GSE1: variants seen among roughly 807,000 people sequenced by gnomAD.
GSE1 encodes the protein Gse1 coiled-coil protein.
GSE1 carries 32 observed loss-of-function variants against 112.6 expected under a neutral mutation model. That is an observed-to-expected ratio of 0.28 (90% CI 0.21 to 0.38). The LOEUF is 0.38. Ranked by LOEUF, GSE1 falls within the 10% of genes least tolerant of loss-of-function variation. The pLI is 1.00. For missense variants in GSE1, 2,348 were observed against 1,699.2 expected (o/e 1.38, Z -6.71); for synonymous variants, 1,115 against 735.6 (o/e 1.52, Z -8.35).
intron 1 of GSE1, among the ~76,000 whole-genome samples, chr16:85,270,020 G>T (rs1567652234): frequency 6.7e-6 from 1 of 149,300 alleles, no homozygotes; most frequent in Non-Finnish European, 1.5e-5. Flanking sequence ...CCACACTGTT[G>T]GTAGCTAGGA....
chr16:85,226,775 GT>G (rs2075494781), intron 1 of GSE1, among the ~76,000 whole-genome samples: 1 of 126,520 alleles, frequency 7.9e-6, no homozygotes, highest in African/African-American at 3.5e-5. Flanking sequence ...GTGTGTGTGT[GT>G]GTGTGTGTGT....
At chr16:85,191,868 G>T (rs1330829498) in intron 1 of GSE1, among the ~76,000 whole-genome samples, 1 of 152,182 alleles carries the variant, frequency 6.6e-6, no homozygotes, top group African/African-American at 2.4e-5. Flanking sequence ...CTTGGGTGGT[G>T]GGACGGTCTG....
At chr16:85,472,707 G>A (rs2050333307) in intron 2 of GSE1, among the ~76,000 whole-genome samples, 1 of 152,188 alleles carries the variant, frequency 6.6e-6, no homozygotes, top group African/African-American at 2.4e-5. Context: ...TGCTGTCTGC[G>A]GCTCTGTCTG....
At chr16:85,276,765 C>T (rs1296252738) in intron 1 of GSE1, among the ~76,000 whole-genome samples, 2 of 152,140 alleles carry the variant, frequency 1.3e-5, no homozygotes, top group Non-Finnish European at 2.9e-5. Flanking sequence ...GGCCCAGCAG[C>T]AGGATGTCAC....
At chr16:85,229,095 C>T (rs969405265) in intron 1 of GSE1, among the ~76,000 whole-genome samples, 4 of 152,238 alleles carry the variant, frequency 2.6e-5, no homozygotes, top group Non-Finnish European at 5.9e-5. Flanking sequence ...TGGAGCACAG[C>T]CTGCAGCGTG....
Position 85,534,218 on chromosome 16 carries a change from C to A in GSE1, c.2465-99696C>A, listed in dbSNP as rs573926085. Among the ~76,000 whole-genome samples, 27 of 151,668 alleles carry A rather than the reference C, an allele frequency of 1.8e-4. 1 individual carries two copies. The Middle Eastern group carries it at 0.014, about 76-fold the overall frequency. ...CTCACTGCAACCTCCACCTCCCAGG[C>A]TCAAGCAATCCTCCCACCTCAGCCT... On this transcript the variant is annotated intron_variant, in intron 2 of 2. Transcript: ENST00000637419.
At chr16:85,236,201 C>G (rs867424102) in intron 1 of GSE1, among the ~76,000 whole-genome samples, 2 of 152,212 alleles carry the variant, frequency 1.3e-5, no homozygotes, top group Non-Finnish European at 2.9e-5. Flanking sequence ...TCTTGGGGCC[C>G]CCATAGTACG....
Position 85,657,481 on chromosome 16 carries a change from A to G in GSE1, c.1517A>G (p.Gln506Arg). The change falls in exon 8 of 16, where the codon CAG becomes CGG. Residue 506 changes from glutamine to arginine, a missense_variant. Gln to Arg is a conservative substitution (Grantham distance 43). Transcript: ENST00000253458. ...CTGGCGCGGCAGCGGCGGCTGCGGC[A>G]GGAGAAGGAGGACCGGCAGTCTCAG... The part of the protein sequence containing the change: ...KWLARQRRLR[Q>R]EKEDRQSQVS... 2 of 1,607,532 alleles carry G rather than the reference A, an allele frequency of 1.2e-6. No homozygotes were observed. The highest frequency in any genetic ancestry group is 1.7e-6 in the Non-Finnish European group (2 of 1,177,590).
At chr16:85,609,588 CTCTT>C (rs1484111164), upstream of GSE1, among the ~76,000 whole-genome samples, 1 of 152,322 alleles carries the variant, frequency 6.6e-6, no homozygotes, top group East Asian at 1.9e-4. Flanking sequence ...CCAGACACCC[CTCTT>C]AGTTCCTGAG....
chr16:85,276,219 G>A (rs941853925), intron 1 of GSE1, among the ~76,000 whole-genome samples: 15 of 152,262 alleles, frequency 9.9e-5, no homozygotes, highest in Non-Finnish European at 7.3e-5. Context: ...GACCCTCCTG[G>A]TGGCTGCCAG....
intron 1 of GSE1, among the ~76,000 whole-genome samples, chr16:85,601,584 A>C (rs954079288): frequency 6.6e-6 from 1 of 152,122 alleles, no homozygotes; most frequent in Admixed American, 6.5e-5. Flanking sequence ...GCCGGCAGAC[A>C]CCCAGAAGGG....
chr16:85,381,805 C>A (rs1406434353), intron 2 of GSE1, among the ~76,000 whole-genome samples: 1 of 152,214 alleles, frequency 6.6e-6, no homozygotes. Context: ...TTGGGTGACC[C>A]TGAGGCCGGT....
chr16:85,382,046 C>T (rs965155440), intron 2 of GSE1, among the ~76,000 whole-genome samples: 25 of 152,248 alleles, frequency 1.6e-4, no homozygotes, highest in African/African-American at 5.1e-4. Flanking sequence ...CACAGAGCCC[C>T]GGCTTTCTGT....
At position 85,307,119 on chromosome 16, in the gene GSE1, C is replaced by T. The variant is rs529421311; in HGVS notation, c.2284-50344C>T. Among the ~76,000 whole-genome samples the T allele has an allele frequency of 7.1e-5, 10 of 140,980 alleles. No homozygotes were observed. The South Asian group carries it at 1.1e-3, about 15-fold the overall frequency. The allele number at this position is 140,980 out of a possible 152,430, so 92.5% of individuals were successfully genotyped here. A position where few individuals can be genotyped will look rare whatever the true frequency, so the allele number is the denominator to read the frequency against. On this transcript the variant is annotated intron_variant, in intron 1 of 2. Coordinates refer to the GSE1 transcript ENST00000637419. Reference sequence around the variant, plus strand: ...TCTGGTCACACGTACAGGCTGCAGCCGGCTGCCCGCCCCCGATAGTGGGGG... The same window carrying T: ...TCTGGTCACACGTACAGGCTGCAGCTGGCTGCCCGCCCCCGATAGTGGGGG...
intron 2 of GSE1, among the ~76,000 whole-genome samples, chr16:85,424,251 C>T (rs529284596): frequency 3.9e-4 from 59 of 152,386 alleles, no homozygotes; most frequent in Non-Finnish European, 4.8e-4. Context: ...ACAAAGCCCC[C>T]GCCCCTCCGG....
At chr16:85,209,199 G>C (rs1342557750) in intron 1 of GSE1, among the ~76,000 whole-genome samples, 1 of 152,198 alleles carries the variant, frequency 6.6e-6, no homozygotes, top group East Asian at 1.9e-4. Context: ...AGCTGCGCAG[G>C]AATTGGCTCC....
intron 1 of GSE1, among the ~76,000 whole-genome samples, chr16:85,252,889 A>T (rs1906638278): frequency 6.6e-6 from 1 of 152,174 alleles, no homozygotes; most frequent in African/African-American, 2.4e-5. Flanking sequence ...ATGTGGGATG[A>T]CCACAGGCTC....
intron 1 of GSE1, among the ~76,000 whole-genome samples, chr16:85,590,935 T>TG (rs138939128): frequency 0.034 from 5,173 of 152,132 alleles, 295 homozygotes; most frequent in African/African-American, 0.12. Context: ...TGACATGCGG[T>TG]GGGGGGGACC....
At chr16:85,227,845 C>A (rs963654134) in intron 1 of GSE1, among the ~76,000 whole-genome samples, 2 of 152,200 alleles carry the variant, frequency 1.3e-5, no homozygotes, top group African/African-American at 4.8e-5. Context: ...CTCATGCCGA[C>A]CGGGGGATAC....
Sources: allele counts gnomAD v4.1 joint callset (sites outside exome capture counted in the v4.1 genomes callset), GRCh38; gene constraint gnomAD v4.1.1; transcripts MANE v1.5; gene names NCBI Gene and HGNC (gene_info 2026-07-23, HGNC 2026-07-21).